Variants in DMTN observed in about 807,000 individuals in gnomAD.
The protein encoded by DMTN is dematin actin binding protein.
DMTN carries 27 observed loss-of-function variants against 59.4 expected under a neutral mutation model. The observed-to-expected ratio is 0.45, with a 90% CI of 0.33 to 0.63. The LOEUF is 0.63. Ranked by LOEUF, DMTN falls within the 20% of genes least tolerant of loss-of-function variation. The probability of loss-of-function intolerance (pLI) is 0.02; values close to 1 mark genes in which losing one functional copy is unlikely to be tolerated. For missense variants in DMTN, 451 were observed against 528.9 expected, an observed-to-expected ratio of 0.85 and a Z score of 1.45; for synonymous variants, 221 against 203.7, an observed-to-expected ratio of 1.08 and a Z score of -0.72.
upstream of DMTN, among the ~76,000 whole-genome samples, chr8:22,053,337 C>A (rs1310147631): frequency 6.6e-6 from 1 of 152,174 alleles, no homozygotes; most frequent in Non-Finnish European, 1.5e-5. Flanking sequence ...CAGCAGAGTC[C>A]AATGCCCGGA....
chr8:22,073,974 T>C (rs1194589159), intron 10 of DMTN, 139 bp downstream of exon 10: 1 of 657,126 alleles, frequency 1.5e-6, no homozygotes, highest in African/African-American at 1.8e-5. Context: ...AGAATCCCAG[T>C]CATGGAACAA....
At position 22,082,316 on chromosome 8, in the gene DMTN, C is replaced by G. The variant is rs1327668247; in HGVS notation, c.*853C>G. 1 of 442,528 alleles carries G rather than the reference C, an allele frequency of 2.3e-6. No individual in the cohort carries two copies. The highest frequency in any genetic ancestry group is 4.6e-6 in the Non-Finnish European group (1 of 218,072). The allele number at this position is 442,528 out of a possible 1,614,324, so 27.4% of individuals were successfully genotyped here. A position where few individuals can be genotyped will look rare whatever the true frequency, so the allele number is the denominator to read the frequency against. On this transcript the variant is annotated 3_prime_UTR_variant, in exon 16 of 16. Coordinates refer to ENST00000358242, the MANE Select transcript of DMTN (RefSeq NM_001387751.1). The stretch of plus-strand genomic sequence containing the variant: ...CAAGAATGTAATTTATTGGGGCCCC[C>G]CCAGCTGCTTTCCTCACCTGCCCCT...
chr8:22,078,387 ACATATATACATATATT>A (rs1821293848), intron 10 of DMTN, among the ~76,000 whole-genome samples: 2 of 149,458 alleles, frequency 1.3e-5, no homozygotes, highest in South Asian at 4.2e-4. Context: ...ATATATATAT[ACATATATACATATATT>A]CATATATATG....
chr8:22,068,570 A>G (rs1372138543), intron 4 of DMTN, among the ~76,000 whole-genome samples: 1 of 152,166 alleles, frequency 6.6e-6, no homozygotes, highest in Non-Finnish European at 1.5e-5. Flanking sequence ...ATAAGAAAGA[A>G]AGATGAGAGA....
intron 4 of DMTN, 98 bp downstream of exon 4, chr8:22,067,780 G>A (rs543170296): frequency 2.8e-6 from 4 of 1,435,386 alleles, no homozygotes; most frequent in South Asian, 2.6e-5. Context: ...CTGGAGGTCT[G>A]CCTCGGCAAA....
At chr8:22,064,336 A>G (rs1375242277) in intron 1 of DMTN, among the ~76,000 whole-genome samples, 1 of 152,280 alleles carries the variant, frequency 6.6e-6, no homozygotes, top group African/African-American at 2.4e-5. Flanking sequence ...ATGTACCAGA[A>G]TTTATTCTTC....
At position 22,073,657 on chromosome 8, in the gene DMTN, G is replaced by GA; in HGVS notation, c.730-62dup. On this transcript the variant is annotated intron_variant, in intron 9 of 15. Transcript: ENST00000358242. ...AAAAAAAAAAAAAAAAAAAAAGAAA[G>GA]AAAAAAAAAAAGAGAAAAAAGAAAC... 6.2e-6 allele frequency: 4 copies of GA among 643,282 alleles called. No homozygotes were observed. The African/African-American group carries it at 3.6e-4, about 58-fold the overall frequency. 39.8% of individuals were successfully genotyped at this position (643,282 alleles called of 1,614,324 possible).
intron 8 of DMTN, among the ~76,000 whole-genome samples, chr8:22,071,938 G>A (rs1815872848): frequency 6.6e-6 from 1 of 151,864 alleles, no homozygotes; most frequent in Non-Finnish European, 1.5e-5. Context: ...CTGTTGCCCA[G>A]GATGGAGTGC....
Position 22,067,663 on chromosome 8 carries a change from A to T in DMTN, c.230A>T (p.Glu77Val), listed in dbSNP as rs755491495. ...ACTTATTCCCTCCTGGAACACGTGG[A>T]GCTGCCTCGCAGCCGCGAGGTGAGG... The part of the protein sequence containing the change: ...HFTYSLLEHV[E>V]LPRSRERSLS... The change falls in exon 4 of 16, where the codon GAG becomes GTG. Residue 77 changes from glutamate to valine, a missense_variant. Physicochemically the swap from Glu to Val is moderately radical, Grantham distance 121. Transcript: ENST00000358242. 6.2e-7 allele frequency: 1 copy of T among 1,613,980 alleles called. No individual in the cohort carries two copies. The highest frequency in any genetic ancestry group is 1.3e-5 in the African/African-American group (1 of 75,042).
At chr8:22,073,344 G>A (rs1225673249) in intron 9 of DMTN, among the ~76,000 whole-genome samples, 7 of 152,078 alleles carry the variant, frequency 4.6e-5, no homozygotes, top group Non-Finnish European at 1.0e-4. Flanking sequence ...AATGAGTATT[G>A]GCCCAGCACA....
chr8:22,065,818 G>A (rs1413796184), intron 1 of DMTN, among the ~76,000 whole-genome samples: 1 of 143,484 alleles, frequency 7.0e-6, no homozygotes, highest in Non-Finnish European at 1.5e-5. Context: ...CTGGGCGACA[G>A]AGCAAGACCT....
Position 22,069,439 on chromosome 8 carries a change from G to A in DMTN, c.315G>A (p.Ser105=), listed in dbSNP as rs532164106. Residue 105 remains serine (S), a synonymous_variant, in exon 6 of 16, where the codon TCG becomes TCA. Coordinates refer to ENST00000358242, the MANE Select transcript of DMTN (RefSeq NM_001387751.1). The part of the protein sequence containing the change: ...PSPEVWADSR[S]PGIISQASAP... ...TGCAGGTGTGGGCGGACAGCCGGTC[G>A]CCTGGAATCATCTCTCAGGCCTCGG... 38 of 1,612,926 alleles carry A rather than the reference G, an allele frequency of 2.4e-5. No homozygotes were observed. Among genetic ancestry groups the A allele is most frequent in the Admixed American group, 6.7e-5 (4 of 59,910 alleles).
chr8:22,069,992 G>A lies in DMTN; in HGVS notation c.451+55G>A, dbSNP rs139356776. On this transcript the variant is annotated intron_variant, in intron 7 of 15. Coordinates refer to ENST00000358242, the MANE Select transcript of DMTN (RefSeq NM_001387751.1). The stretch of plus-strand genomic sequence containing the variant: ...GCTTCCGGCTGCATGCTGGGAGGCC[G>A]TGCCCTGGGGCTGCGGGCTGGCTGG... 3.3e-4 allele frequency: 537 copies of A among 1,605,202 alleles called. 1 individual carries two copies. Among genetic ancestry groups the A allele is most frequent in the African/African-American group, 3.0e-3 (223 of 74,876 alleles).
intron 10 of DMTN, among the ~76,000 whole-genome samples, chr8:22,076,561 C>T (rs760957963): frequency 9.3e-5 from 14 of 150,972 alleles, no homozygotes; most frequent in Non-Finnish European, 1.9e-4. Context: ...AGAGTGGGAT[C>T]CTGTCTCTAA....
Position 22,081,370 on chromosome 8 carries a change from C to T in DMTN, c.1125C>T (p.Asp375=). 6.2e-7 allele frequency: 1 copy of T among 1,614,080 alleles called. No individual in the cohort carries two copies. Among genetic ancestry groups the T allele is most frequent in the Non-Finnish European group, 8.5e-7 (1 of 1,179,964 alleles). Residue 375 remains aspartate, a synonymous_variant, in exon 16 of 16, where the codon GAC becomes GAT. Transcript: ENST00000358242. ...MRLERHLSAE[D]FSRVFAMSPE... is the part of the protein sequence containing the mutation. ...TGTAGAGGCATCTGTCTGCCGAGGA[C>T]TTCTCAAGGGTATTTGCCATGTCCC...
At chr8:22,052,991 G>T (rs1302889404), upstream of DMTN, among the ~76,000 whole-genome samples, 2 of 152,166 alleles carry the variant, frequency 1.3e-5, no homozygotes, top group South Asian at 2.1e-4. Flanking sequence ...CACAGGCCAG[G>T]GTGCTTGCGG....
chr8:22,080,823 G>A lies in DMTN; in HGVS notation c.976G>A (p.Gly326Arg), dbSNP rs1823753894. ...TCCCCAGAACGGAGAGGGCCAGAGG[G>A]GGAGGATGGACCGGGGGAACTCCCT... ...PGLQNGEGQR[G>R]RMDRGNSLPC... The change falls in exon 14 of 16, where the codon GGG (glycine) becomes AGG (arginine). Residue 326 changes from glycine (G) to arginine (R), a missense_variant. Coordinates refer to ENST00000358242, the MANE Select transcript of DMTN (RefSeq NM_001387751.1). 6.2e-7 allele frequency: 1 copy of A among 1,601,852 alleles called. No individual in the cohort carries two copies. The highest frequency in any genetic ancestry group is 8.5e-7 in the Non-Finnish European group (1 of 1,172,038).
chr8:22,062,994 T>C (rs999171819), intron 1 of DMTN, among the ~76,000 whole-genome samples: 5 of 152,170 alleles, frequency 3.3e-5, no homozygotes, highest in Non-Finnish European at 5.9e-5. Flanking sequence ...GATGCTGTTT[T>C]TAACCTTCTT....
upstream of DMTN, among the ~76,000 whole-genome samples, chr8:22,049,565 G>A (rs1177560755): frequency 1.1e-5 from 1 of 88,004 alleles, no homozygotes; most frequent in African/African-American, 5.4e-5. Context: ...TCCTCGCAGG[G>A]ACAACCCCCC....
Sources: gnomAD v4.1 joint callset for allele counts (sites outside exome capture counted in the v4.1 genomes callset) on GRCh38, gnomAD v4.1.1 for gene constraint, MANE v1.5 for transcripts, NCBI Gene and HGNC (gene_info 2026-07-23, HGNC 2026-07-21) for gene names.